The following CAB39L variants were observed in gnomAD, a reference collection of about 807,000 sequenced individuals.
CAB39L encodes the protein calcium-binding protein 39-like.
CAB39L carries 23 observed loss-of-function variants against 39.1 expected under a neutral mutation model. That is an observed-to-expected ratio of 0.59 (90% CI 0.42 to 0.83). CAB39L has a LOEUF of 0.83. Among genes scored for constraint, CAB39L ranks in the 40% least tolerant of loss-of-function variants. The pLI is 0.00. For missense variants in CAB39L, 366 were observed against 391.9 expected, an observed-to-expected ratio of 0.93 and a Z score of 0.56; for synonymous variants, 126 against 137.2, an observed-to-expected ratio of 0.92 and a Z score of 0.57.
At chr13:49,360,153 C>A (rs962607597) in intron 5 of CAB39L, among the ~76,000 whole-genome samples, 1 of 151,974 alleles carries the variant, frequency 6.6e-6, no homozygotes, top group Non-Finnish European at 1.5e-5. Context: ...CACTGTCTAC[C>A]TTTATGCAAG....
chr13:49,397,275 T>C (rs375730878), intron 3 of CAB39L, among the ~76,000 whole-genome samples: 200 of 152,258 alleles, frequency 1.3e-3, no homozygotes, highest in African/African-American at 4.7e-3. Context: ...AATCCCTTTT[T>C]CAGTTAAAAA....
At chr13:49,438,278 C>A (rs1306247215) in intron 1 of CAB39L, among the ~76,000 whole-genome samples, 2 of 152,160 alleles carry the variant, frequency 1.3e-5, no homozygotes, top group Admixed American at 6.5e-5. Flanking sequence ...CTCCTCTTTT[C>A]CTCCCATTTT....
At chr13:49,323,336 A>G (rs1450346798) in intron 10 of CAB39L, among the ~76,000 whole-genome samples, 1 of 152,150 alleles carries the variant, frequency 6.6e-6, no homozygotes, top group Non-Finnish European at 1.5e-5. Flanking sequence ...TTGTGCCATC[A>G]CTTTCTCAAT....
At chr13:49,436,393 T>G (rs896509211) in intron 1 of CAB39L, among the ~76,000 whole-genome samples, 52 of 152,290 alleles carry the variant, frequency 3.4e-4, no homozygotes, top group African/African-American at 1.2e-3. Flanking sequence ...ACTCTACTTT[T>G]ACTTATTTTC....
intron 5 of CAB39L, among the ~76,000 whole-genome samples, chr13:49,373,903 G>A (rs1955989590): frequency 6.6e-6 from 1 of 152,166 alleles, no homozygotes; most frequent in African/African-American, 2.4e-5. Flanking sequence ...TTGAGAAGGA[G>A]AGTTGCTGCC....
intron 9 of CAB39L, among the ~76,000 whole-genome samples, chr13:49,333,961 T>C (rs1427666726): frequency 6.6e-6 from 1 of 152,134 alleles, no homozygotes; most frequent in African/African-American, 2.4e-5. Flanking sequence ...CCAACTCCCT[T>C]TCTTCTCTTT....
At chr13:49,363,599 T>TA (rs911388621) in intron 5 of CAB39L, among the ~76,000 whole-genome samples, 2 of 151,862 alleles carry the variant, frequency 1.3e-5, no homozygotes, top group African/African-American at 4.8e-5. Flanking sequence ...AAGAGATGAC[T>TA]AAAAAACAAC....
At chr13:49,381,832 A>C (rs1344007337) in intron 4 of CAB39L, among the ~76,000 whole-genome samples, 1 of 152,168 alleles carries the variant, frequency 6.6e-6, no homozygotes, top group Non-Finnish European at 1.5e-5. Flanking sequence ...ATTCTTGTAC[A>C]TTTTTCCTGG....
chr13:49,435,851 G>A (rs1330227990), intron 1 of CAB39L, among the ~76,000 whole-genome samples: 1 of 152,050 alleles, frequency 6.6e-6, no homozygotes, highest in African/African-American at 2.4e-5. Flanking sequence ...CATATCTTTG[G>A]CCCATTTTCC....
At chr13:49,400,443 AAC>A (rs60080189) in intron 3 of CAB39L, among the ~76,000 whole-genome samples, 9,483 of 138,342 alleles carry the variant, frequency 0.069, 334 homozygotes, top group East Asian at 0.15. Flanking sequence ...TACAAACACA[AAC>A]ACACACACAC....
chr13:49,417,932 G>C (rs998384549), intron 3 of CAB39L, among the ~76,000 whole-genome samples: 7 of 152,142 alleles, frequency 4.6e-5, no homozygotes, highest in African/African-American at 1.2e-4. Context: ...AGAGAAACTG[G>C]AACTCTCAAA....
At chr13:49,386,576 T>G (rs754549737) in intron 3 of CAB39L, among the ~76,000 whole-genome samples, 5 of 152,214 alleles carry the variant, frequency 3.3e-5, no homozygotes, top group Non-Finnish European at 7.3e-5. Context: ...TTACTATACC[T>G]ACTTATTGTA....
intron 10 of CAB39L, among the ~76,000 whole-genome samples, chr13:49,314,881 G>C (rs1260177303): frequency 1.3e-5 from 2 of 152,160 alleles, no homozygotes; most frequent in East Asian, 3.8e-4. Flanking sequence ...CATTCAAATG[G>C]TACATGGCAC....
chr13:49,400,757 T>C (rs1956752457), intron 3 of CAB39L, among the ~76,000 whole-genome samples: 1 of 142,462 alleles, frequency 7.0e-6, no homozygotes, highest in Non-Finnish European at 1.6e-5. Flanking sequence ...CAAAATTTAC[T>C]AACAATAGAC....
intron 3 of CAB39L, among the ~76,000 whole-genome samples, chr13:49,408,861 C>T (rs890937210): frequency 2.0e-5 from 3 of 151,954 alleles, no homozygotes; most frequent in African/African-American, 7.3e-5. Context: ...ACTAAATAAA[C>T]AGTGGTTAGA....
chr13:49,388,448 G>A (rs149841903), intron 3 of CAB39L, among the ~76,000 whole-genome samples: 10 of 152,186 alleles, frequency 6.6e-5, no homozygotes, highest in South Asian at 2.1e-4. Flanking sequence ...TAAAAATCAG[G>A]TTGGTTTTAG....
At chr13:49,359,951 T>C (rs1395394717) in intron 5 of CAB39L, 119 bp from the exon 6 acceptor site, 1 of 573,244 alleles carries the variant, frequency 1.7e-6, no homozygotes, top group Non-Finnish European at 3.0e-6. Context: ...CTTTCTAATA[T>C]GCAAAAAAAC....
Position 49,309,067 on chromosome 13 carries a change from T to G in CAB39L, c.*1747A>C, listed in dbSNP as rs1458190547. 1 of 152,262 alleles carries G rather than the reference T, an allele frequency of 6.6e-6. No individual in the cohort carries two copies. The highest frequency in any genetic ancestry group is 1.5e-5 in the Non-Finnish European group (1 of 68,042). The allele number at this position is 152,262 out of a possible 1,614,324, so 9.4% of individuals were successfully genotyped here. A position where few individuals can be genotyped will look rare whatever the true frequency, so the allele number is the denominator to read the frequency against. Reference sequence around the variant, plus strand: ...TTATTTCACCTTCATTTTTTATACTTACACTCATCTCTTTTAATTAAATAA... The same window carrying G: ...TTATTTCACCTTCATTTTTTATACTGACACTCATCTCTTTTAATTAAATAA... On this transcript the variant is annotated 3_prime_UTR_variant, in exon 11 of 11. Coordinates refer to ENST00000409308, the MANE Select transcript of CAB39L (RefSeq NM_001079670.3).
intron 3 of CAB39L, among the ~76,000 whole-genome samples, chr13:49,399,647 GT>G (rs1042141317): frequency 2.6e-5 from 4 of 151,984 alleles, no homozygotes; most frequent in African/African-American, 7.2e-5. Context: ...AATACAAAGT[GT>G]TTGTAAATTG....
Sources: allele counts gnomAD v4.1 joint callset (sites outside exome capture counted in the v4.1 genomes callset), GRCh38; gene constraint gnomAD v4.1.1; transcripts MANE v1.5; gene names NCBI Gene and HGNC (gene_info 2026-07-23, HGNC 2026-07-21).